CCDC82: variants seen among roughly 807,000 people sequenced by gnomAD.
CCDC82 encodes coiled-coil domain containing 82, also known as coiled-coil domain-containing protein 82.
A neutral mutation model predicts 60.6 loss-of-function variants in CCDC82; 47 were observed. The observed-to-expected ratio is 0.77, with a 90% CI of 0.61 to 0.99. The LOEUF is 0.99. Ranked by LOEUF, CCDC82 falls within the 50% of genes least tolerant of loss-of-function variation. The pLI is 0.00. For missense variants in CCDC82, 588 were observed against 633.0 expected (o/e 0.93, Z 0.76); for synonymous variants, 212 against 207.4 (o/e 1.02, Z -0.19).
intron 8 of CCDC82, 53 bp from the exon 9 acceptor site, chr11:96,359,231 G>T: frequency 7.0e-7 from 1 of 1,425,290 alleles, no homozygotes. Flanking sequence ...ATCCTTTCTG[G>T]TTTTTGGATT....
chr11:96,373,409 G>A lies in CCDC82; in HGVS notation c.1050C>T (p.Asn350=), dbSNP rs147971519. The A allele has an allele frequency of 5.2e-5, 84 of 1,608,684 alleles. 1 individual carries two copies. The South Asian group carries it at 6.7e-4, about 13-fold the overall frequency. ...TTCCCAGAAAAGATTCATCTAAAGC[G>A]TTGATCAGAAGAGCCTTCACAACTC... The part of the protein sequence containing the change: ...FERVVKALLI[N]ALDESFLGTL... The change falls in exon 6 of 10, where the codon AAC becomes AAT. Residue 350 remains asparagine, a synonymous_variant. Coordinates refer to ENST00000646818, the MANE Select transcript of CCDC82 (RefSeq NM_024725.4).
At chr11:96,357,460 TAAGAA>T (rs1329336528) in intron 9 of CCDC82, 6 of 984,892 alleles carry the variant, frequency 6.1e-6, no homozygotes, top group South Asian at 4.7e-5. Context: ...TTTCTTTTCC[TAAGAA>T]AAGAATGCCA....
Position 96,384,229 on chromosome 11 carries a change from T to C in CCDC82, c.519A>G (p.Glu173=). 6.2e-7 allele frequency: 1 copy of C among 1,613,838 alleles called. No homozygotes were observed. Among genetic ancestry groups the C allele is most frequent in the Admixed American group, 1.7e-5 (1 of 59,986 alleles). ...QTGQIIEDDL[E]EEDIKRGKRK... is the part of the protein sequence containing the mutation. Reference sequence around the variant, plus strand: ...TTTTTCCTCGCTTGATGTCTTCTTCTTCTAAATCATCCTCTATTATTTGTC... The same window carrying C: ...TTTTTCCTCGCTTGATGTCTTCTTCCTCTAAATCATCCTCTATTATTTGTC... The change falls in exon 4 of 10, where the codon GAA becomes GAG. Residue 173 remains glutamate, a synonymous_variant. Transcript: ENST00000646818.
At chr11:96,375,786 A>G (rs1319879457) in intron 5 of CCDC82, among the ~76,000 whole-genome samples, 3 of 152,224 alleles carry the variant, frequency 2.0e-5, no homozygotes, top group Non-Finnish European at 4.4e-5. Context: ...ACAACACAAA[A>G]TTTAGACTTG....
intron 3 of CCDC82, chr11:96,385,958 A>G (rs1262032290): frequency 1.3e-5 from 2 of 152,172 alleles, no homozygotes; most frequent in Non-Finnish European, 2.9e-5. Flanking sequence ...GATTATTCCA[A>G]TATTTCCACC....
At chr11:96,358,003 T>C in intron 9 of CCDC82, 1 of 985,384 alleles carries the variant, frequency 1.0e-6, no homozygotes, top group Non-Finnish European at 1.2e-6. Flanking sequence ...GGGAAACCAG[T>C]GATGATGTCA....
chr11:96,371,671 TTC>T (rs1391981638), intron 6 of CCDC82, among the ~76,000 whole-genome samples: 1 of 152,260 alleles, frequency 6.6e-6, no homozygotes, highest in African/African-American at 2.4e-5. Context: ...TTATCTTTTA[TTC>T]TCTTATACAA....
Position 96,383,949 on chromosome 11 carries a change from A to C in CCDC82, c.786+13T>G, listed in dbSNP as rs1565322895. The stretch of plus-strand genomic sequence containing the variant: ...CTGAAAAACAATAACAAATCCAACA[A>C]AATATAACACACCTCAAAATCTCTA... On this transcript the variant is annotated intron_variant, in intron 4 of 9. Transcript: ENST00000646818. 6.3e-7 allele frequency: 1 copy of C among 1,579,804 alleles called. No individual in the cohort carries two copies. The highest frequency in any genetic ancestry group is 1.9e-5 in the Admixed American group (1 of 52,050).
intron 7 of CCDC82, among the ~76,000 whole-genome samples, chr11:96,366,329 T>C (rs1864945256): frequency 6.6e-6 from 1 of 152,240 alleles, no homozygotes; most frequent in East Asian, 1.9e-4. Context: ...ATAACCCAGC[T>C]TATCCTAATT....
intron 7 of CCDC82, 108 bp from the exon 8 acceptor site, chr11:96,365,258 G>C: frequency 1.6e-6 from 1 of 641,758 alleles, no homozygotes; most frequent in Non-Finnish European, 2.5e-6. Flanking sequence ...AGAGATATAA[G>C]AGCAAAACAC....
intron 9 of CCDC82, chr11:96,357,411 C>T (rs1864402328): frequency 1.0e-6 from 1 of 985,186 alleles, no homozygotes; most frequent in African/African-American, 1.7e-5. Flanking sequence ...TTATGTATAA[C>T]ATGACACTTG....
At chr11:96,366,227 T>C (rs975239575) in intron 7 of CCDC82, among the ~76,000 whole-genome samples, 2 of 152,232 alleles carry the variant, frequency 1.3e-5, no homozygotes, top group Admixed American at 1.3e-4. Flanking sequence ...ACACTGGATA[T>C]ATAAGTGAAA....
At chr11:96,364,401 A>T (rs1591174809) in intron 8 of CCDC82, 1 of 152,250 alleles carries the variant, frequency 6.6e-6, no homozygotes, top group Non-Finnish European at 1.5e-5. Flanking sequence ...ATCACTATCC[A>T]GTTTAATAGA....
intron 9 of CCDC82, chr11:96,357,806 GCT>G (rs1864423667): frequency 1.0e-6 from 1 of 985,228 alleles, no homozygotes; most frequent in African/African-American, 1.7e-5. Flanking sequence ...TTGAATAAGT[GCT>G]CTCTCCTAAA....
Position 96,368,373 on chromosome 11 carries a change from C to A in CCDC82, c.1209+2640G>T, listed in dbSNP as rs1006486301. On this transcript the variant is annotated intron_variant, in intron 7 of 9. Transcript: ENST00000646818. Reference sequence around the variant, plus strand: ...ACTATGCTATAAACAGATGTGCTATCATTCAGGTTTTGTTGTTCCATTTAT... The same window carrying A: ...ACTATGCTATAAACAGATGTGCTATAATTCAGGTTTTGTTGTTCCATTTAT... Among the ~76,000 whole-genome samples the A allele has an allele frequency of 3.3e-5, 5 of 152,070 alleles. No individual in the cohort carries two copies. The South Asian group carries it at 1.0e-3, about 32-fold the overall frequency.
In CCDC82 at chr11:96,365,142, T is replaced by C; in HGVS notation, c.1218A>G (p.Val406=). 2 of 1,555,034 alleles carry C rather than the reference T, an allele frequency of 1.3e-6. No homozygotes were observed. Among genetic ancestry groups the C allele is most frequent in the Non-Finnish European group, 1.7e-6 (2 of 1,150,758 alleles). ...SRWKEQYKER[V]ENYSNVSIHL... ...GAATACTTACATTAGAATAATTTTCTACTCGCTCCTGAAAACAAAAAATAT... is the reference window on the plus strand; with the variant it reads ...GAATACTTACATTAGAATAATTTTCCACTCGCTCCTGAAAACAAAAAATAT... The change falls in exon 8 of 10, where the codon GTA becomes GTG. Residue 406 remains valine (V), a synonymous_variant. Transcript: ENST00000646818.
At chr11:96,365,391 C>G (rs757439552) in intron 7 of CCDC82, among the ~76,000 whole-genome samples, 99 of 152,224 alleles carry the variant, frequency 6.5e-4, no homozygotes, top group Admixed American at 1.4e-3. Flanking sequence ...AAGCTAGTTT[C>G]ATATCTCTTA....
chr11:96,382,397 T>C (rs1023349836), intron 5 of CCDC82: 8 of 151,826 alleles, frequency 5.3e-5, no homozygotes, highest in Non-Finnish European at 1.0e-4. Context: ...CCTGACGGCT[T>C]CTCAATACCT....
chr11:96,386,348 G>A (rs1007639889), intron 2 of CCDC82, 55 bp from the exon 3 acceptor site: 13 of 152,202 alleles, frequency 8.5e-5, no homozygotes, highest in African/African-American at 2.9e-4. Context: ...ATTCTGGTAT[G>A]TTTATACGGC....
Sources: allele counts gnomAD v4.1 joint callset (sites outside exome capture counted in the v4.1 genomes callset), GRCh38; gene constraint gnomAD v4.1.1; transcripts MANE v1.5; gene names NCBI Gene and HGNC (gene_info 2026-07-23, HGNC 2026-07-21).